The following CARS2 variants were observed in gnomAD, a reference collection of about 807,000 sequenced individuals.
The protein encoded by CARS2 is probable cysteine--tRNA ligase, mitochondrial.
In CARS2, 52 loss-of-function variants were observed where a neutral mutation model predicts 68.8. That is an observed-to-expected ratio of 0.76 (90% CI 0.61 to 0.95). CARS2 has a LOEUF of 0.95. Ranked by LOEUF, CARS2 falls within the 40% of genes least tolerant of loss-of-function variation. The pLI is 0.00. For missense variants in CARS2, 780 were observed against 754.2 expected, an observed-to-expected ratio of 1.03 and a Z score of -0.40; for synonymous variants, 314 against 303.6, an observed-to-expected ratio of 1.03 and a Z score of -0.36.
intron 6 of CARS2, among the ~76,000 whole-genome samples, chr13:110,678,488 G>A (rs979797252): frequency 5.9e-5 from 9 of 152,166 alleles, no homozygotes; most frequent in Non-Finnish European, 1.3e-4. Flanking sequence ...AAAGAGTGCA[G>A]ACACAGATAC....
intron 1 of CARS2, chr13:110,712,972 G>C: frequency 6.4e-7 from 1 of 1,559,404 alleles, no homozygotes; most frequent in African/African-American, 1.4e-5. Context: ...TCCGGCCGCG[G>C]AATGGGTAGG....
chr13:110,654,708 A>G (rs2062315587), intron 9 of CARS2, among the ~76,000 whole-genome samples: 1 of 151,974 alleles, frequency 6.6e-6, no homozygotes, highest in South Asian at 2.1e-4. Context: ...GCTTGAGCCC[A>G]GGAGTTTGAG....
intron 6 of CARS2, among the ~76,000 whole-genome samples, chr13:110,678,527 G>A (rs536474744): frequency 3.3e-5 from 5 of 152,292 alleles, no homozygotes; most frequent in East Asian, 1.9e-4. Context: ...GACAGGCTAC[G>A]TTTTCATTAC....
chr13:110,712,907 G>C (rs1394546421), intron 1 of CARS2: 2 of 1,534,112 alleles, frequency 1.3e-6, no homozygotes, highest in East Asian at 4.9e-5. Flanking sequence ...CACAAAGGGA[G>C]GGCGGTGACG....
At chr13:110,691,541 C>T (rs2119480) in intron 3 of CARS2, among the ~76,000 whole-genome samples, 77,807 of 151,868 alleles carry the variant, frequency 0.51, 21,748 homozygotes, top group Non-Finnish European at 0.64. Flanking sequence ...CTTGGGGTCT[C>T]TTTTATATTT....
chr13:110,700,277 G>C (rs752873028), intron 3 of CARS2, among the ~76,000 whole-genome samples: 2 of 152,314 alleles, frequency 1.3e-5, no homozygotes, highest in East Asian at 3.9e-4. Context: ...ACTCTGGAAG[G>C]GGTTCTAGAA....
chr13:110,645,352 C>A (rs330571), intron 12 of CARS2: 31,866 of 152,340 alleles, frequency 0.21, 3,614 homozygotes, highest in African/African-American at 0.3. Context: ...GCCAGAACCC[C>A]CAGGTGTTTC....
At chr13:110,683,765 C>T (rs1442782753) in intron 5 of CARS2, among the ~76,000 whole-genome samples, 1 of 152,164 alleles carries the variant, frequency 6.6e-6, no homozygotes, top group East Asian at 1.9e-4. Flanking sequence ...GCCTCCAATC[C>T]CAGCACTTTG....
upstream of CARS2, among the ~76,000 whole-genome samples, chr13:110,710,827 G>C (rs763703569): frequency 6.6e-6 from 1 of 152,154 alleles, no homozygotes; most frequent in South Asian, 2.1e-4. Flanking sequence ...GTAGACACTC[G>C]TCAATATTCC....
In CARS2 at chr13:110,705,809, A is replaced by G. The variant is rs781208989; in HGVS notation, c.224+61T>C. 27 of 1,523,654 alleles carry G rather than the reference A, an allele frequency of 1.8e-5. No individual in the cohort carries two copies. In the Middle Eastern group the frequency reaches 6.8e-4, roughly 38 times the overall value. The allele number at this position is 1,523,654 out of a possible 1,614,324, so 94.4% of individuals were successfully genotyped here. ...CCCTCCCCGAGCCCAGATCCCGTTC[A>G]GCCGTGGGAAGTCTCCGCCACGATC... On this transcript the variant is annotated intron_variant, in intron 1 of 14. Coordinates refer to ENST00000257347, the MANE Select transcript of CARS2 (RefSeq NM_024537.4). The surrounding 1 kb of genome is among the most constrained non-coding windows in gnomAD (Gnocchi z 4.0).
At chr13:110,650,980 G>A in intron 10 of CARS2, 54 bp downstream of exon 10, 1 of 1,357,536 alleles carries the variant, frequency 7.4e-7, no homozygotes, top group East Asian at 2.3e-5. Context: ...AGTCCTGTCA[G>A]AATGACTGTC....
intron 1 of CARS2, chr13:110,712,579 T>G (rs2139960211): frequency 9.3e-6 from 3 of 322,662 alleles, no homozygotes; most frequent in Admixed American, 9.0e-5. Context: ...CGGGCTCGCG[T>G]GGCGTCCAGG....
rs369116566 is a variant in CARS2 at position 110,651,027 on chromosome 13, G to A, written c.1054+7C>T. ...GGGGGAGTCCACTCCACGTGTGCTCGGCTCACCTGAGCGGTAGCTGCTCCG... is the reference window on the plus strand; with the variant it reads ...GGGGGAGTCCACTCCACGTGTGCTCAGCTCACCTGAGCGGTAGCTGCTCCG... On this transcript the variant is annotated splice_region_variant and intron_variant, in intron 10 of 14. Coordinates refer to ENST00000257347, the MANE Select transcript of CARS2 (RefSeq NM_024537.4). The A allele has an allele frequency of 6.8e-6, 11 of 1,609,026 alleles. No individual in the cohort carries two copies. Among genetic ancestry groups the A allele is most frequent in the South Asian group, 2.2e-5 (2 of 90,896 alleles).
chr13:110,648,308 A>T (rs1294634650), intron 10 of CARS2: 1 of 152,232 alleles, frequency 6.6e-6, no homozygotes, highest in East Asian at 1.9e-4. Context: ...GGCTGTTAGA[A>T]TAAGATTACC....
intron 1 of CARS2, chr13:110,713,041 G>GCGC (rs768446734): frequency 8.3e-5 from 122 of 1,477,456 alleles, no homozygotes; most frequent in Non-Finnish European, 1.0e-4. Flanking sequence ...CAGTGCGCAT[G>GCGC]CGCCGCCACT....
chr13:110,685,605 G>A (rs921191421), intron 5 of CARS2, among the ~76,000 whole-genome samples: 1 of 152,212 alleles, frequency 6.6e-6, no homozygotes, highest in Admixed American at 6.5e-5. Flanking sequence ...TGATCTAGAT[G>A]GGGACAAAAT....
intron 6 of CARS2, among the ~76,000 whole-genome samples, chr13:110,681,315 T>A (rs1566716458): frequency 6.6e-6 from 1 of 152,242 alleles, no homozygotes; most frequent in East Asian, 1.9e-4. Flanking sequence ...ACTAAGGCAT[T>A]AAAATTTTTT....
chr13:110,705,433 G>T lies in CARS2; in HGVS notation c.275+88C>A. 2.3e-6 allele frequency: 2 copies of T among 869,806 alleles called. No homozygotes were observed. Among genetic ancestry groups the T allele is most frequent in the Non-Finnish European group, 3.6e-6 (2 of 551,004 alleles). The allele number at this position is 869,806 out of a possible 1,614,324, so 53.9% of individuals were successfully genotyped here. On this transcript the variant is annotated intron_variant, in intron 2 of 14. Coordinates refer to ENST00000257347, the MANE Select transcript of CARS2 (RefSeq NM_024537.4). The surrounding 1 kb of genome is among the most constrained non-coding windows in gnomAD (Gnocchi z 4.0). ...AGGAATTATTCTGCATCCCTAAGTT[G>T]CCACTTAAGAGATAAAAGAAATCAG...
intron 6 of CARS2, among the ~76,000 whole-genome samples, chr13:110,680,774 G>A (rs1594349185): frequency 1.3e-5 from 2 of 152,212 alleles, no homozygotes. Flanking sequence ...GGAACATGTG[G>A]ACTAAAAACA....
Sources: allele counts gnomAD v4.1 joint callset (sites outside exome capture counted in the v4.1 genomes callset), GRCh38; gene constraint gnomAD v4.1.1; non-coding constraint Gnocchi (gnomAD v3.1); transcripts MANE v1.5; gene names NCBI Gene and HGNC (gene_info 2026-07-23, HGNC 2026-07-21).